WDR70: variants seen among roughly 807,000 people sequenced by gnomAD.
WDR70 encodes WD repeat domain 70.
A neutral mutation model predicts 88.6 loss-of-function variants in WDR70; 53 were observed. The observed-to-expected ratio is 0.60, with a 90% CI of 0.48 to 0.75. The LOEUF is 0.75. Among genes scored for constraint, WDR70 ranks in the 30% least tolerant of loss-of-function variants. The pLI is 0.00. For synonymous variants in WDR70, 280 were observed against 270.0 expected (o/e 1.04, Z -0.36); for missense variants, 610 against 823.2 (o/e 0.74, Z 3.17).
intron 17 of WDR70, among the ~76,000 whole-genome samples, chr5:37,750,729 A>G (rs1010765046): frequency 5.3e-5 from 8 of 152,188 alleles, no homozygotes; most frequent in Non-Finnish European, 1.2e-4. Context: ...GTCTGCTGCC[A>G]TGTAAGACAT....
chr5:37,734,691 A>G (rs1235801517), intron 17 of WDR70, among the ~76,000 whole-genome samples: 1 of 152,136 alleles, frequency 6.6e-6, no homozygotes, highest in Non-Finnish European at 1.5e-5. Context: ...AAGAACGTCT[A>G]CAAAAGTTAC....
rs578234785 is a variant in WDR70, at chr5:37,640,941, A to AG, written c.1092+35705dup. The stretch of plus-strand genomic sequence containing the variant: ...GATGGTGGAAAAAGAGAATGTCTGT[A>AG]GGTTACATCCTGCCTCACTGAGTTA... On this transcript the variant is annotated intron_variant, in intron 10 of 17. Coordinates refer to ENST00000265107, the MANE Select transcript of WDR70 (RefSeq NM_018034.4). Among the ~76,000 whole-genome samples the AG allele has an allele frequency of 3.3e-5, 5 of 152,328 alleles. No individual in the cohort carries two copies. The South Asian group carries it at 1.0e-3, about 32-fold the overall frequency.
At chr5:37,729,715 G>C (rs1178102112) in intron 17 of WDR70, among the ~76,000 whole-genome samples, 1 of 152,136 alleles carries the variant, frequency 6.6e-6, no homozygotes, top group South Asian at 2.1e-4. Flanking sequence ...AATGCAGTTA[G>C]GTTCATTTTT....
intron 4 of WDR70, among the ~76,000 whole-genome samples, chr5:37,395,058 T>G (rs539578522): frequency 2.6e-5 from 4 of 152,316 alleles, no homozygotes; most frequent in African/African-American, 7.2e-5. Context: ...AAACAGAAAT[T>G]CGTGCTTTCC....
At chr5:37,589,494 C>T (rs1743465346) in intron 9 of WDR70, among the ~76,000 whole-genome samples, 1 of 152,046 alleles carries the variant, frequency 6.6e-6, no homozygotes, top group Admixed American at 6.6e-5. Flanking sequence ...TTGAGGAGGT[C>T]ACTTGGAATA....
In WDR70 at chr5:37,649,733, C is replaced by CTTTTTTTTTTTTTTTTTTTTTTTTTT. The variant is rs70978834; in HGVS notation, c.1092+44517_1092+44518insTTTTTTTTTTTTTTTTTTTTTTTTTT. ...ATATACATTCACGATGTTATTACTT[C>CTTTTTTTTTTTTTTTTTTTTTTTTTT]TTTTTTTTTTTTTTTTTTTTTTGAG... On this transcript the variant is annotated intron_variant, in intron 10 of 17. Coordinates refer to ENST00000265107, the MANE Select transcript of WDR70 (RefSeq NM_018034.4). 2.9e-5 allele frequency among the ~76,000 whole-genome samples: 2 copies of CTTTTTTTTTTTTTTTTTTTTTTTTTT among 68,740 alleles called. 1 individual carries two copies. The highest frequency in any genetic ancestry group is 1.3e-4 in the African/African-American group (2 of 15,616). The allele number at this position is 68,740 out of a possible 152,430, so 45.1% of individuals were successfully genotyped here. A position where few individuals can be genotyped will look rare whatever the true frequency, so the allele number is the denominator to read the frequency against.
At chr5:37,443,607 CT>C (rs1220949890) in intron 7 of WDR70, among the ~76,000 whole-genome samples, 1 of 152,188 alleles carries the variant, frequency 6.6e-6, no homozygotes, top group Non-Finnish European at 1.5e-5. Flanking sequence ...AATTCCAGAA[CT>C]TTAGAAAGCC....
chr5:37,678,348 A>G (rs1746303712), intron 10 of WDR70, among the ~76,000 whole-genome samples: 2 of 152,188 alleles, frequency 1.3e-5, no homozygotes, highest in South Asian at 2.1e-4. Flanking sequence ...ACAATTTGGC[A>G]TGATTTTACA....
At chr5:37,529,027 T>G (rs1741400046) in intron 9 of WDR70, among the ~76,000 whole-genome samples, 1 of 151,772 alleles carries the variant, frequency 6.6e-6, no homozygotes, top group Non-Finnish European at 1.5e-5. Flanking sequence ...TCCAGTTTCA[T>G]TCTTCTATAT....
At chr5:37,746,783 T>A (rs999476257) in intron 17 of WDR70, among the ~76,000 whole-genome samples, 1 of 152,154 alleles carries the variant, frequency 6.6e-6, no homozygotes, top group Admixed American at 6.6e-5. Context: ...ATTAATAGCC[T>A]ATCAACTAGA....
intron 7 of WDR70, among the ~76,000 whole-genome samples, chr5:37,465,800 CT>C (rs138421248): frequency 0.98 from 139,985 of 142,986 alleles, 68,552 homozygotes; most frequent in Non-Finnish European, 0.99. Flanking sequence ...AATTTCTAAA[CT>C]TTTTTTTTTT....
chr5:37,410,235 T>TAGAGA (rs1408683555), intron 5 of WDR70, among the ~76,000 whole-genome samples: 1 of 149,974 alleles, frequency 6.7e-6, no homozygotes, highest in Non-Finnish European at 1.5e-5. Flanking sequence ...GACAAGGTCT[T>TAGAGA]CCCATGTTGC....
intron 10 of WDR70, among the ~76,000 whole-genome samples, chr5:37,611,248 C>T (rs944190462): frequency 6.6e-6 from 1 of 151,936 alleles, no homozygotes; most frequent in African/African-American, 2.4e-5. Flanking sequence ...GACAAATTCT[C>T]ATACTATTTG....
intron 10 of WDR70, among the ~76,000 whole-genome samples, chr5:37,646,239 A>T (rs1409892468): frequency 6.6e-6 from 1 of 151,482 alleles, no homozygotes; most frequent in Non-Finnish European, 1.5e-5. Flanking sequence ...TAAACTAAAA[A>T]ACAAACAAAG....
chr5:37,388,426 C>CTT (rs34629371), intron 3 of WDR70, among the ~76,000 whole-genome samples: 4,939 of 138,686 alleles, frequency 0.036, 173 homozygotes, highest in Non-Finnish European at 0.055. Context: ...GAAATACAGA[C>CTT]TTTTTTTTTT....
intron 7 of WDR70, among the ~76,000 whole-genome samples, chr5:37,457,381 C>T (rs1485480469): frequency 3.3e-5 from 5 of 152,198 alleles, no homozygotes; most frequent in Admixed American, 1.3e-4. Context: ...CAGGTGTGAG[C>T]CACTGCACCC....
chr5:37,741,686 G>C (rs1245842842), intron 17 of WDR70, among the ~76,000 whole-genome samples: 1 of 152,136 alleles, frequency 6.6e-6, no homozygotes, highest in Non-Finnish European at 1.5e-5. Flanking sequence ...ATCTCATGCT[G>C]GGCAGCTCAG....
intron 10 of WDR70, among the ~76,000 whole-genome samples, chr5:37,687,641 C>A (rs1746650182): frequency 6.6e-6 from 1 of 152,262 alleles, no homozygotes; most frequent in Admixed American, 6.5e-5. Flanking sequence ...GTGAAGTCTC[C>A]TCATACTACA....
intron 7 of WDR70, among the ~76,000 whole-genome samples, chr5:37,470,631 T>C (rs1739299307): frequency 1.3e-5 from 2 of 152,214 alleles, no homozygotes; most frequent in African/African-American, 4.8e-5. Flanking sequence ...TTATAAAATA[T>C]ATCCATATGG....
Sources: gnomAD v4.1 joint callset for allele counts (sites outside exome capture counted in the v4.1 genomes callset) on GRCh38, gnomAD v4.1.1 for gene constraint, MANE v1.5 for transcripts, NCBI Gene and HGNC (gene_info 2026-07-23, HGNC 2026-07-21) for gene names.